FXYD6: variants seen among roughly 807,000 people sequenced by gnomAD.
FXYD6 encodes FXYD domain-containing ion transport regulator 6.
FXYD6 carries 7 observed loss-of-function variants against 16.7 expected under a neutral mutation model. The ratio of observed to expected loss-of-function variants is 0.42; its 90% CI spans 0.24 to 0.79. FXYD6 has a LOEUF of 0.79. Among genes scored for constraint, FXYD6 ranks in the 30% least tolerant of loss-of-function variants. The pLI is 0.28. For synonymous variants in FXYD6, 49 were observed against 43.0 expected (o/e 1.14, Z -0.54); for missense variants, 111 against 116.2 (o/e 0.95, Z 0.21).
chr11:117,876,336 A>G (rs2057264816), intron 1 of FXYD6, among the ~76,000 whole-genome samples: 1 of 150,614 alleles, frequency 6.6e-6, no homozygotes, highest in African/African-American at 2.4e-5. Flanking sequence ...CCCAGCCACC[A>G]GCGTCACCCC....
chr11:117,846,417 C>A (rs2056470917), intron 1 of FXYD6, among the ~76,000 whole-genome samples: 1 of 152,178 alleles, frequency 6.6e-6, no homozygotes, highest in Non-Finnish European at 1.5e-5. Context: ...TCCTAACATA[C>A]TTGAATGCTG....
At chr11:117,841,534 G>A in intron 4 of FXYD6, 1 of 596,150 alleles carries the variant, frequency 1.7e-6, no homozygotes, top group South Asian at 2.0e-5. Flanking sequence ...ATGCCCTATA[G>A]ACACAGCACT....
intron 1 of FXYD6, among the ~76,000 whole-genome samples, chr11:117,852,918 T>C (rs2056641792): frequency 6.6e-6 from 1 of 152,232 alleles, no homozygotes; most frequent in South Asian, 2.1e-4. Context: ...AACCCACTCA[T>C]TTACTTTTGT....
At chr11:117,845,415 T>C (rs745661286) in intron 1 of FXYD6, among the ~76,000 whole-genome samples, 6 of 152,258 alleles carry the variant, frequency 3.9e-5, no homozygotes, top group Non-Finnish European at 5.9e-5. Flanking sequence ...TACATATATC[T>C]AAATATTATG....
intron 1 of FXYD6, among the ~76,000 whole-genome samples, chr11:117,849,663 G>T (rs1303620999): frequency 6.6e-6 from 1 of 151,824 alleles, no homozygotes; most frequent in Non-Finnish European, 1.5e-5. Context: ...GATCAGGTCT[G>T]CCTGCACTGC....
At chr11:117,868,580 T>A (rs986068852) in intron 1 of FXYD6, among the ~76,000 whole-genome samples, 3 of 152,044 alleles carry the variant, frequency 2.0e-5, no homozygotes, top group African/African-American at 7.2e-5. Context: ...GAGTGTGGTA[T>A]CCTGGATGGG....
intron 4 of FXYD6, chr11:117,841,584 A>G (rs1277389971): frequency 4.8e-5 from 30 of 626,056 alleles, no homozygotes; most frequent in Non-Finnish European, 7.9e-5. Flanking sequence ...GCTCATTGTC[A>G]TATGACATTT....
At chr11:117,843,087 T>C (rs1261755599) in intron 1 of FXYD6, among the ~76,000 whole-genome samples, 1 of 152,092 alleles carries the variant, frequency 6.6e-6, no homozygotes, top group East Asian at 1.9e-4. Flanking sequence ...GCGTGTGCCA[T>C]CATGCCCGGC....
Position 117,837,926 on chromosome 11 carries a change from A to G in FXYD6, c.*373T>C. ...GAGGGCCACGGGGGCAGGGAGGAGC[A>G]GATGGCCATGTGGCTCAGCCCCTGC... On this transcript the variant is annotated 3_prime_UTR_variant, in exon 8 of 8. Coordinates refer to ENST00000526014, the MANE Select transcript of FXYD6 (RefSeq NM_022003.4). This position sits in a 1 kb window ranked among gnomAD's most constrained non-coding sequence, Gnocchi z 4.4. 2.2e-6 allele frequency: 1 copy of G among 458,180 alleles called. No homozygotes were observed. Among genetic ancestry groups the G allele is most frequent in the Non-Finnish European group, 4.0e-6 (1 of 251,436 alleles). The allele number at this position is 458,180 out of a possible 1,614,324, so 28.4% of individuals were successfully genotyped here. A position where few individuals can be genotyped will look rare whatever the true frequency, so the allele number is the denominator to read the frequency against.
chr11:117,851,958 G>A (rs2056619159), intron 1 of FXYD6, among the ~76,000 whole-genome samples: 1 of 152,254 alleles, frequency 6.6e-6, no homozygotes, highest in Non-Finnish European at 1.5e-5. Context: ...CAATCTTGCA[G>A]GCTGGAGCTC....
chr11:117,870,618 ATT>A lies in FXYD6; in HGVS notation c.-6+5972_-6+5973del, dbSNP rs1400391140. Among the ~76,000 whole-genome samples, 1 of 152,114 alleles carries A rather than the reference ATT, an allele frequency of 6.6e-6. No homozygotes were observed. The highest frequency in any genetic ancestry group is 6.5e-5 in the Admixed American group (1 of 15,292). On this transcript the variant is annotated intron_variant, in intron 1 of 7. Coordinates refer to ENST00000526014, the MANE Select transcript of FXYD6 (RefSeq NM_022003.4). This position sits in a 1 kb window ranked among gnomAD's most constrained non-coding sequence, Gnocchi z 4.2. ...TACAGGGCACTTTGCACAATTTCAT[ATT>A]GTCTCCCTTTTAGGGGTAGAAGTGG...
Position 117,848,686 on chromosome 11 carries a change from T to C in FXYD6, c.-5-5905A>G, listed in dbSNP as rs543444726. On this transcript the variant is annotated intron_variant, in intron 1 of 7. Transcript: ENST00000526014. ...ACTTTCTTTGTGGGAAGATCTTAAA[T>C]GGCCCATTCAATTAATTAATGGTTA... Among the ~76,000 whole-genome samples the C allele has an allele frequency of 5.3e-5, 8 of 152,348 alleles. No homozygotes were observed. The South Asian group carries it at 1.4e-3, about 28-fold the overall frequency.
intron 7 of FXYD6, chr11:117,839,209 G>C (rs1412235563): frequency 1.3e-5 from 2 of 152,740 alleles, no homozygotes; most frequent in African/African-American, 2.4e-5. Context: ...AGACTCGAGT[G>C]AGTCTGTGTG....
chr11:117,841,606 G>C, intron 4 of FXYD6, 185 bp downstream of exon 4: 1 of 643,872 alleles, frequency 1.6e-6, no homozygotes, highest in South Asian at 1.9e-5. Flanking sequence ...CTTTGTTCCC[G>C]TGTCACTGTT....
intron 1 of FXYD6, among the ~76,000 whole-genome samples, chr11:117,874,874 C>T (rs186460147): frequency 6.6e-6 from 1 of 152,254 alleles, no homozygotes; most frequent in Non-Finnish European, 1.5e-5. Context: ...CTTTATCCAA[C>T]CTTCCCTTCC....
intron 1 of FXYD6, chr11:117,843,773 C>T (rs2056412609): frequency 6.6e-6 from 1 of 152,244 alleles, no homozygotes; most frequent in Admixed American, 6.5e-5. Flanking sequence ...CTCAGCACCC[C>T]AGCCTCTGCT....
At chr11:117,857,940 G>C (rs1354126108) in intron 1 of FXYD6, among the ~76,000 whole-genome samples, 1 of 152,152 alleles carries the variant, frequency 6.6e-6, no homozygotes, top group African/African-American at 2.4e-5. Context: ...CGGGACCTGG[G>C]GGAGTGGTCA....
intron 1 of FXYD6, among the ~76,000 whole-genome samples, chr11:117,856,662 G>A (rs1252408853): frequency 1.3e-5 from 2 of 152,144 alleles, no homozygotes; most frequent in South Asian, 2.1e-4. Context: ...AGCCTATGAC[G>A]TATCTAGATC....
intron 1 of FXYD6, among the ~76,000 whole-genome samples, chr11:117,858,451 G>T (rs1180107257): frequency 6.6e-6 from 1 of 151,870 alleles, no homozygotes; most frequent in Non-Finnish European, 1.5e-5. Context: ...CTCTCACCTT[G>T]GGTCCCATGT....
Sources: gnomAD v4.1 joint callset for allele counts (sites outside exome capture counted in the v4.1 genomes callset) on GRCh38, gnomAD v4.1.1 for gene constraint, Gnocchi (gnomAD v3.1) non-coding constraint, MANE v1.5 for transcripts, NCBI Gene and HGNC (gene_info 2026-07-23, HGNC 2026-07-21) for gene names.